HNRNPH1: variants seen among roughly 807,000 people sequenced by gnomAD.
HNRNPH1 encodes heterogeneous nuclear ribonucleoprotein H1.
In HNRNPH1, 4 loss-of-function variants were observed where a neutral mutation model predicts 58.6. The ratio of observed to expected loss-of-function variants is 0.07; its 90% CI spans 0.03 to 0.16. The LOEUF (loss-of-function observed/expected upper bound fraction) is 0.16. HNRNPH1 is among the 10% of genes least tolerant of loss of function. HNRNPH1 has a pLI of 1.00. For missense variants in HNRNPH1, 271 were observed against 564.2 expected, an observed-to-expected ratio of 0.48 and a Z score of 5.26; for synonymous variants, 192 against 189.2, an observed-to-expected ratio of 1.01 and a Z score of -0.12.
chr5:179,626,567 G>C (rs1231277766), upstream of HNRNPH1, among the ~76,000 whole-genome samples: 1 of 150,994 alleles, frequency 6.6e-6, no homozygotes, highest in Non-Finnish European at 1.5e-5. Flanking sequence ...AATACAAAAA[G>C]TAGCCGGGCA....
chr5:179,625,347 T>A (rs150769838), upstream of HNRNPH1, among the ~76,000 whole-genome samples: 6,148 of 14,610 alleles, frequency 0.42, 428 homozygotes, highest in African/African-American at 0.46. Context: ...GATACAAAAA[T>A]TATCTATGCA....
intron 2 of HNRNPH1, 33 bp downstream of exon 3, chr5:179,621,205 GCTTT>G (rs769979679): frequency 4.4e-6 from 7 of 1,591,998 alleles, no homozygotes; most frequent in African/African-American, 2.7e-5. Flanking sequence ...ATTGTTTAAT[GCTTT>G]ATTTACTGTA....
At chr5:179,633,071 A>G (rs1055817632) in intron 2 of HNRNPH1, among the ~76,000 whole-genome samples, 4 of 151,630 alleles carry the variant, frequency 2.6e-5, no homozygotes, top group Non-Finnish European at 4.4e-5. Flanking sequence ...GTTGATCAAG[A>G]TGATCTCAAT....
rs549004097 is a variant in HNRNPH1 at position 179,617,242 on chromosome 5, C to T, written c.1058-132G>A. The T allele has an allele frequency of 6.0e-5, 53 of 880,532 alleles. 1 individual carries two copies. In the South Asian group the frequency reaches 8.7e-4, roughly 14 times the overall value. The allele number at this position is 880,532 out of a possible 1,614,324, so 54.5% of individuals were successfully genotyped here. ...TGGCAAAGAAATTCTAGCTACTTCT[C>T]TTAGGTGATCTACTTTAACTCCAAA... On this transcript the variant is annotated intron_variant, in intron 8 of 12. Transcript: ENST00000356731.
upstream of HNRNPH1, among the ~76,000 whole-genome samples, chr5:179,627,356 T>G (rs140219592): frequency 4.4e-3 from 671 of 151,858 alleles, 11 homozygotes; most frequent in African/African-American, 0.016. Context: ...CAGGCCCGAC[T>G]AATTTTTTTT....
At chr5:179,621,336 T>C (rs754724103) in exon 2 of HNRNPH1, 9 of 1,614,138 alleles carry the variant, frequency 5.6e-6, no homozygotes, top group Non-Finnish European at 7.6e-6. Context: ...CCTCGCCACT[T>C]GGTCTGCCTT....
rs776048911 is a variant in HNRNPH1, at chr5:179,617,950, T to TAA, written c.788-20_788-19dup. Reference sequence around the variant, plus strand: ...ATTGAGGTCTAGATGGACAAGAGTGTAAGCATCCTTCAACTGAGAAATTCA... The same window carrying TAA: ...ATTGAGGTCTAGATGGACAAGAGTGTAAAAGCATCCTTCAACTGAGAAATTCA... On this transcript the variant is annotated intron_variant, in intron 6 of 12. Coordinates refer to ENST00000356731, the Ensembl canonical transcript of HNRNPH1. 1.9e-6 allele frequency: 3 copies of TAA among 1,614,014 alleles called. No homozygotes were observed. Among genetic ancestry groups the TAA allele is most frequent in the Non-Finnish European group, 2.5e-6 (3 of 1,179,856 alleles).
chr5:179,615,684 G>C lies in HNRNPH1; in HGVS notation c.1301-89C>G. The C allele has an allele frequency of 4.4e-6, 3 of 676,860 alleles. No homozygotes were observed. The East Asian group carries it at 8.1e-5, about 18-fold the overall frequency. 41.9% of individuals were successfully genotyped at this position (676,860 alleles called of 1,614,324 possible). A position where few individuals can be genotyped will look rare whatever the true frequency, so the allele number is the denominator to read the frequency against. ...AAAAAAATAAATAAAACCAATCCTA[G>C]GTTAACTGACTAATAAATACGATCC... is the stretch of plus-strand genomic sequence containing the variant. On this transcript the variant is annotated intron_variant, in intron 11 of 12. Transcript: ENST00000356731.
upstream of HNRNPH1, among the ~76,000 whole-genome samples, chr5:179,626,902 A>C (rs572847997): frequency 4.1e-5 from 6 of 147,868 alleles, no homozygotes; most frequent in Non-Finnish European, 5.9e-5. Flanking sequence ...CAGCCTCCCG[A>C]GTAGAGTAGC....
exon 1 of HNRNPH1, chr5:179,624,411 T>G: frequency 2.5e-6 from 1 of 397,350 alleles, no homozygotes; most frequent in Non-Finnish European, 4.4e-6. Context: ...ATTCGCACCC[T>G]GTGTACCCCT....
chr5:179,621,489 A>C, intron 1 of HNRNPH1, 92 bp from the exon 3 acceptor site: 2 of 1,074,544 alleles, frequency 1.9e-6, no homozygotes, highest in Admixed American at 2.2e-5. Context: ...TCCCCACTAC[A>C]AATTACATAA....
rs1768571102 is a variant in HNRNPH1 at position 179,614,650 on chromosome 5, T to C, written c.*310A>G. On this transcript the variant is annotated 3_prime_UTR_variant, in exon 13 of 13. Transcript: ENST00000356731. ...ACAGTTATAGTTTACTCAGCTTCACTGTTACATCCTAGATGAGTATTGTAT... is the reference window on the plus strand; with the variant it reads ...ACAGTTATAGTTTACTCAGCTTCACCGTTACATCCTAGATGAGTATTGTAT... The C allele has an allele frequency of 1.1e-5, 5 of 456,710 alleles. No individual in the cohort carries two copies. The East Asian group carries it at 1.7e-4, about 16-fold the overall frequency. 28.3% of individuals were successfully genotyped at this position (456,710 alleles called of 1,614,324 possible).
exon 1 of HNRNPH1, chr5:179,623,189 T>C (rs1193728362): frequency 3.1e-6 from 4 of 1,287,052 alleles, no homozygotes; most frequent in Non-Finnish European, 4.4e-6. Flanking sequence ...GGACCAGAAC[T>C]GAGAGCGCCA....
At chr5:179,627,443 T>C (rs1355045363), upstream of HNRNPH1, among the ~76,000 whole-genome samples, 1 of 151,900 alleles carries the variant, frequency 6.6e-6, no homozygotes, top group Non-Finnish European at 1.5e-5. Context: ...TTCTCCCACC[T>C]TGGCCTCTCA....
At chr5:179,622,271 T>C (rs748998954) in intron 1 of HNRNPH1, among the ~76,000 whole-genome samples, 4 of 152,180 alleles carry the variant, frequency 2.6e-5, no homozygotes, top group Non-Finnish European at 5.9e-5. Flanking sequence ...TTCCGAAGAA[T>C]GCTCCTTTTT....
At chr5:179,621,249 A>G (rs750467595) in exon 2 of HNRNPH1, 22 of 1,613,504 alleles carry the variant, frequency 1.4e-5, no homozygotes, top group African/African-American at 8.0e-5. Flanking sequence ...AACCTTCAAC[A>G]TATCTGTGTC....
intron 8 of HNRNPH1, 50 bp from the exon 10 acceptor site, chr5:179,617,160 A>G: frequency 6.5e-7 from 1 of 1,545,160 alleles, no homozygotes. Context: ...GAAACAAAAC[A>G]GAATAAGCAC....
intron 10 of HNRNPH1, chr5:179,616,501 C>T (rs761552526): frequency 5.7e-6 from 3 of 523,442 alleles, no homozygotes; most frequent in Non-Finnish European, 1.0e-5. Context: ...TATGAAACTG[C>T]TTGACTGGAT....
intron 4 of HNRNPH1, 123 bp downstream of exon 5, chr5:179,619,146 C>CA: frequency 1.1e-6 from 1 of 881,082 alleles, no homozygotes; most frequent in Non-Finnish European, 1.7e-6. Flanking sequence ...GTTTGGAAAT[C>CA]ATGGCAAAAC....
Sources: allele counts gnomAD v4.1 joint callset (sites outside exome capture counted in the v4.1 genomes callset), GRCh38; gene constraint gnomAD v4.1.1; transcripts MANE v1.5; gene names NCBI Gene and HGNC (gene_info 2026-07-23, HGNC 2026-07-21).